FRS2: variants seen among roughly 807,000 people sequenced by gnomAD.
FRS2 encodes the protein FGFR signalling adaptor.
A neutral mutation model predicts 43.9 loss-of-function variants in FRS2; 8 were observed. That is an observed-to-expected ratio of 0.18 (90% CI 0.11 to 0.33). The LOEUF is 0.33. Ranked by LOEUF, FRS2 falls within the 10% of genes least tolerant of loss-of-function variation. The pLI is 1.00. For missense variants in FRS2, 534 were observed against 627.6 expected, an observed-to-expected ratio of 0.85 and a Z score of 1.59; for synonymous variants, 219 against 220.3, an observed-to-expected ratio of 0.99 and a Z score of 0.05.
intron 1 of FRS2, among the ~76,000 whole-genome samples, chr12:69,511,964 T>A (rs917591467): frequency 6.6e-6 from 1 of 152,216 alleles, no homozygotes; most frequent in African/African-American, 2.4e-5. Flanking sequence ...CAACCAGGGA[T>A]GACAGTGTTA....
intron 1 of FRS2, among the ~76,000 whole-genome samples, chr12:69,517,187 G>A (rs912879004): frequency 1.3e-5 from 2 of 152,198 alleles, no homozygotes; most frequent in Non-Finnish European, 2.9e-5. Context: ...GATTGTCCAC[G>A]TGGGTGGCTG....
At chr12:69,509,130 A>G (rs781763784) in intron 1 of FRS2, among the ~76,000 whole-genome samples, 2 of 151,864 alleles carry the variant, frequency 1.3e-5, no homozygotes, top group Admixed American at 6.6e-5. Flanking sequence ...CTCCTGGGAG[A>G]TAGTCTACTG....
chr12:69,501,678 G>T (rs2135546348), intron 1 of FRS2, among the ~76,000 whole-genome samples: 2 of 152,230 alleles, frequency 1.3e-5, no homozygotes, highest in Middle Eastern at 6.8e-3. Context: ...GATTTTTCTG[G>T]TTCTCAGTTT....
intron 8 of FRS2, among the ~76,000 whole-genome samples, chr12:69,572,951 C>G (rs553538855): frequency 6.6e-6 from 1 of 152,196 alleles, no homozygotes; most frequent in Non-Finnish European, 1.5e-5. Flanking sequence ...CTGCCTCAGC[C>G]TCCCAGGTAG....
intron 1 of FRS2, among the ~76,000 whole-genome samples, chr12:69,520,033 A>G (rs905956721): frequency 6.6e-6 from 1 of 152,218 alleles, no homozygotes; most frequent in East Asian, 1.9e-4. Context: ...CCAACTGTAT[A>G]TAAGCATTCC....
intron 1 of FRS2, among the ~76,000 whole-genome samples, chr12:69,490,253 G>A (rs888696774): frequency 1.3e-5 from 2 of 151,952 alleles, no homozygotes; most frequent in African/African-American, 4.8e-5. Flanking sequence ...TTATCTAATA[G>A]CAAAAACAAA....
In FRS2 at chr12:69,576,494, A is replaced by G. The variant is rs1198137651; in HGVS notation, c.*1539A>G. 1.3e-5 allele frequency: 2 copies of G among 152,188 alleles called. No homozygotes were observed. Among genetic ancestry groups the G allele is most frequent in the East Asian group, 3.8e-4 (2 of 5,200 alleles). The allele number at this position is 152,188 out of a possible 1,614,324, so 9.4% of individuals were successfully genotyped here. Reference sequence around the variant, plus strand: ...AAGGTAGAGTGGAAAAGGTTAGGTAACCTTGCAAAATATTTTACTATTTTC... The same window carrying G: ...AAGGTAGAGTGGAAAAGGTTAGGTAGCCTTGCAAAATATTTTACTATTTTC... On this transcript the variant is annotated 3_prime_UTR_variant, in exon 9 of 9. Transcript: ENST00000549921.
chr12:69,571,279 T>C lies in FRS2; in HGVS notation c.257T>C (p.Ile86Thr), dbSNP rs1880731130. The C allele has an allele frequency of 1.3e-6, 2 of 1,592,612 alleles. No homozygotes were observed. The highest frequency in any genetic ancestry group is 1.7e-6 in the Non-Finnish European group (2 of 1,171,182). The change falls in exon 7 of 9, where the codon ATC (isoleucine) becomes ACC (threonine). Residue 86 changes from isoleucine to threonine, a missense_variant. Transcript: ENST00000549921. ...SGRRCQTGQG[I>T]FAFKCARAEE... ...CCCTTTTGGTTTATATTTGTAGGAA[T>C]CTTTGCCTTTAAGTGTGCCCGTGCA...
chr12:69,490,565 A>G (rs1005823673), intron 1 of FRS2, among the ~76,000 whole-genome samples: 5 of 151,802 alleles, frequency 3.3e-5, no homozygotes, highest in Admixed American at 6.6e-5. Context: ...TCTGGTGTAT[A>G]TAGCCATTTG....
At chr12:69,544,746 A>G (rs1301661860) in intron 3 of FRS2, among the ~76,000 whole-genome samples, 3 of 152,060 alleles carry the variant, frequency 2.0e-5, no homozygotes, top group Non-Finnish European at 4.4e-5. Flanking sequence ...AAAGGAAACT[A>G]TTTCAACGTA....
At chr12:69,492,412 T>A (rs1872561893) in intron 1 of FRS2, among the ~76,000 whole-genome samples, 1 of 152,158 alleles carries the variant, frequency 6.6e-6, no homozygotes, top group Non-Finnish European at 1.5e-5. Flanking sequence ...ATGAACTAGG[T>A]CTTGAAGGAG....
intron 1 of FRS2, among the ~76,000 whole-genome samples, chr12:69,488,880 A>G (rs1056588745): frequency 1.3e-5 from 2 of 152,170 alleles, no homozygotes; most frequent in Admixed American, 1.3e-4. Flanking sequence ...AAGGGTAGGG[A>G]CATGTTAAGA....
chr12:69,522,711 A>G (rs1277295237), intron 1 of FRS2, among the ~76,000 whole-genome samples: 1 of 151,970 alleles, frequency 6.6e-6, no homozygotes, highest in Non-Finnish European at 1.5e-5. Flanking sequence ...GGTCCTTCTG[A>G]CTTTTTTATG....
chr12:69,558,719 A>G (rs1460824782), intron 3 of FRS2, among the ~76,000 whole-genome samples: 1 of 152,118 alleles, frequency 6.6e-6, no homozygotes, highest in Non-Finnish European at 1.5e-5. Context: ...GCACCAGCAC[A>G]TGGGTCTGCA....
chr12:69,552,302 C>CAAA (rs35353764), intron 3 of FRS2, among the ~76,000 whole-genome samples: 1,173 of 50,922 alleles, frequency 0.023, 118 homozygotes, highest in African/African-American at 0.045. Flanking sequence ...AACTCCGTCT[C>CAAA]AAAAAAAAAA....
intron 1 of FRS2, among the ~76,000 whole-genome samples, chr12:69,494,112 C>A (rs901346419): frequency 6.6e-6 from 1 of 152,124 alleles, no homozygotes; most frequent in Non-Finnish European, 1.5e-5. Context: ...GCAATTTATA[C>A]CTTATTGTAA....
chr12:69,549,176 A>G (rs1002695020), intron 3 of FRS2, among the ~76,000 whole-genome samples: 2 of 152,232 alleles, frequency 1.3e-5, no homozygotes, highest in East Asian at 1.9e-4. Flanking sequence ...AAAATCAACC[A>G]TAAAATTTCG....
At chr12:69,555,798 G>A (rs1326319499) in intron 3 of FRS2, among the ~76,000 whole-genome samples, 1 of 152,194 alleles carries the variant, frequency 6.6e-6, no homozygotes, top group East Asian at 1.9e-4. Context: ...TGAATCGGGT[G>A]TGTTAGATTG....
chr12:69,532,664 T>G (rs1876920994), intron 3 of FRS2, among the ~76,000 whole-genome samples: 1 of 152,154 alleles, frequency 6.6e-6, no homozygotes, highest in African/African-American at 2.4e-5. Context: ...TTTCAGCATC[T>G]GAATTTTAGA....
Sources: allele counts gnomAD v4.1 joint callset (sites outside exome capture counted in the v4.1 genomes callset), GRCh38; gene constraint gnomAD v4.1.1; transcripts MANE v1.5; gene names NCBI Gene and HGNC (gene_info 2026-07-23, HGNC 2026-07-21).